Variants in CASTOR2 observed in about 807,000 individuals in gnomAD.
CASTOR2 encodes cytosolic arginine sensor for mTORC1 subunit 2.
CASTOR2 carries 8 observed loss-of-function variants against 31.2 expected under a neutral mutation model. That is an observed-to-expected ratio of 0.26 (90% CI 0.15 to 0.46). The LOEUF (loss-of-function observed/expected upper bound fraction) is 0.46. CASTOR2 is among the 20% of genes least tolerant of loss of function. The pLI is 0.99. For missense variants in CASTOR2, 216 were observed against 382.1 expected (o/e 0.57, Z 3.62); for synonymous variants, 162 against 158.7 (o/e 1.02, Z -0.16).
At chr7:75,019,688 C>T (rs1036405310) in intron 5 of CASTOR2, among the ~76,000 whole-genome samples, 5 of 152,208 alleles carry the variant, frequency 3.3e-5, no homozygotes, top group African/African-American at 9.6e-5. Flanking sequence ...GAACAACAGA[C>T]ATTGTGTCAC....
At chr7:74,994,782 G>A (rs2131934288) in intron 1 of CASTOR2, among the ~76,000 whole-genome samples, 1 of 152,118 alleles carries the variant, frequency 6.6e-6, no homozygotes, top group African/African-American at 2.4e-5. Context: ...CAAGGTGGTT[G>A]AAGCCAGGGT....
chr7:74,998,199 C>A (rs1804398554), intron 1 of CASTOR2, among the ~76,000 whole-genome samples: 1 of 152,186 alleles, frequency 6.6e-6, no homozygotes, highest in East Asian at 1.9e-4. Flanking sequence ...AAATGGGAAT[C>A]ATTCTACAGC....
intron 3 of CASTOR2, 22 bp from the exon 4 acceptor site, chr7:75,017,968 G>A (rs1435588013): frequency 8.1e-6 from 13 of 1,614,122 alleles, no homozygotes; most frequent in African/African-American, 5.3e-5. Context: ...AGGCACACAC[G>A]GCCTCAACTT....
chr7:75,011,428 C>CAAA (rs1294488684), intron 2 of CASTOR2, among the ~76,000 whole-genome samples: 10 of 65,134 alleles, frequency 1.5e-4, no homozygotes, highest in African/African-American at 7.1e-4. Flanking sequence ...GACTCCATCT[C>CAAA]AAAAAAAAAA....
intron 1 of CASTOR2, among the ~76,000 whole-genome samples, chr7:74,993,082 C>T (rs1804250187): frequency 6.6e-6 from 1 of 152,014 alleles, no homozygotes; most frequent in South Asian, 2.1e-4. Flanking sequence ...CGCCTGTAGT[C>T]CCAGCTACTC....
Position 75,024,887 on chromosome 7 carries a change from T to C in CASTOR2, c.*188T>C, listed in dbSNP as rs1805085603. 7 of 1,406,090 alleles carry C rather than the reference T, an allele frequency of 5.0e-6. No individual in the cohort carries two copies. Among genetic ancestry groups the C allele is most frequent in the Non-Finnish European group, 6.8e-6 (7 of 1,031,660 alleles). 87.1% of individuals were successfully genotyped at this position (1,406,090 alleles called of 1,614,324 possible). On this transcript the variant is annotated 3_prime_UTR_variant, in exon 9 of 9. Coordinates refer to ENST00000616305, the MANE Select transcript of CASTOR2 (RefSeq NM_001145064.3). ...CCCACGCCAAGGCCTCTCCATGCCC[T>C]CCTGCCTTCCCGGAGCCCCCCGACC...
intron 1 of CASTOR2, among the ~76,000 whole-genome samples, chr7:74,996,331 A>G (rs1804345922): frequency 1.3e-5 from 2 of 152,118 alleles, no homozygotes; most frequent in African/African-American, 4.8e-5. Context: ...GTGACCGGGA[A>G]CCAGGGCCAC....
chr7:75,010,027 C>G (rs1453078016), intron 2 of CASTOR2, among the ~76,000 whole-genome samples: 3 of 151,812 alleles, frequency 2.0e-5, no homozygotes, highest in African/African-American at 7.3e-5. Flanking sequence ...CTCAGCCTCC[C>G]GAGTAGCTGA....
chr7:74,975,124 T>G (rs1803771447), intron 1 of CASTOR2, among the ~76,000 whole-genome samples: 1 of 151,140 alleles, frequency 6.6e-6, no homozygotes, highest in South Asian at 2.1e-4. Flanking sequence ...ACCACCACCA[T>G]GCTCAGCTAA....
intron 7 of CASTOR2, among the ~76,000 whole-genome samples, 168 bp downstream of exon 7, chr7:75,022,124 C>T (rs1396677050): frequency 6.6e-6 from 1 of 152,192 alleles, no homozygotes; most frequent in South Asian, 2.1e-4. Flanking sequence ...CAGCTGTACA[C>T]AGGCCTCTTG....
intron 1 of CASTOR2, among the ~76,000 whole-genome samples, chr7:74,975,780 T>TG (rs1803793423): frequency 1.5e-5 from 2 of 131,802 alleles, no homozygotes; most frequent in African/African-American, 5.6e-5. Context: ...CACTAGGAGA[T>TG]GGTAAAAGCA....
intron 1 of CASTOR2, among the ~76,000 whole-genome samples, chr7:74,976,563 T>G (rs1584458395): frequency 1.1e-5 from 1 of 90,082 alleles, no homozygotes; most frequent in African/African-American, 3.4e-5. Context: ...CTCCTCCTCC[T>G]CCTCCTCACC....
chr7:74,988,054 TCTCA>T (rs1461108635), intron 1 of CASTOR2, among the ~76,000 whole-genome samples: 1 of 151,752 alleles, frequency 6.6e-6, no homozygotes, highest in East Asian at 1.9e-4. Flanking sequence ...ATTAAACTGT[TCTCA>T]CTCTTGGCCT....
intron 1 of CASTOR2, among the ~76,000 whole-genome samples, chr7:74,988,422 C>T (rs1473914574): frequency 1.3e-5 from 2 of 151,974 alleles, no homozygotes; most frequent in Non-Finnish European, 2.9e-5. Context: ...CTCAGCCTCC[C>T]GGGTAGCTGG....
Position 75,002,770 on chromosome 7 carries a change from G to A in CASTOR2, c.114-5224G>A, listed in dbSNP as rs1167871376. Among the ~76,000 whole-genome samples the A allele has an allele frequency of 3.3e-5, 5 of 152,134 alleles. No individual in the cohort carries two copies. The East Asian group carries it at 5.8e-4, about 18-fold the overall frequency. On this transcript the variant is annotated intron_variant, in intron 1 of 8. Coordinates refer to ENST00000616305, the MANE Select transcript of CASTOR2 (RefSeq NM_001145064.3). ...TGGGGAGTGGTGGAGAGGCGAAAAC[G>A]GATCTCAGAGTGACCTTCGAGTATA...
chr7:74,990,020 C>T (rs1187829857), intron 1 of CASTOR2, among the ~76,000 whole-genome samples: 3 of 152,102 alleles, frequency 2.0e-5, no homozygotes, highest in East Asian at 1.9e-4. Context: ...CAATTGTAAA[C>T]GCTGAGTTTG....
chr7:74,987,202 C>G (rs1804086989), intron 1 of CASTOR2, among the ~76,000 whole-genome samples: 2 of 152,010 alleles, frequency 1.3e-5, no homozygotes, highest in Admixed American at 1.3e-4. Context: ...GTCAGGAGTT[C>G]AAGACCAGCC....
intron 1 of CASTOR2, among the ~76,000 whole-genome samples, chr7:74,981,542 G>A (rs1219895431): frequency 2.8e-5 from 4 of 145,186 alleles, no homozygotes; most frequent in Non-Finnish European, 6.1e-5. Flanking sequence ...TCAGGACGAA[G>A]GTCTCATCCC....
At position 74,986,546 on chromosome 7, in the gene CASTOR2, T is replaced by G. The variant is rs1413541537; in HGVS notation, c.113+21448T>G. ...AAAAGAACATGGCTGCAGGTCTCAG[T>G]GTTGCAGAAGGTTCCCATATCTAGA... On this transcript the variant is annotated intron_variant, in intron 1 of 8. Transcript: ENST00000616305. Among the ~76,000 whole-genome samples the G allele has an allele frequency of 2.0e-5, 3 of 150,212 alleles. No homozygotes were observed. The South Asian group carries it at 6.3e-4, about 31-fold the overall frequency.
Sources: allele counts gnomAD v4.1 joint callset (sites outside exome capture counted in the v4.1 genomes callset), GRCh38; gene constraint gnomAD v4.1.1; transcripts MANE v1.5; gene names NCBI Gene and HGNC (gene_info 2026-07-23, HGNC 2026-07-21).